Variants in AATK observed in about 807,000 individuals in gnomAD.
AATK encodes lemur tail kinase 1.
AATK carries 91 observed loss-of-function variants against 114.3 expected under a neutral mutation model. That is an observed-to-expected ratio of 0.80 (90% CI 0.67 to 0.95). The LOEUF (loss-of-function observed/expected upper bound fraction) is 0.95, where lower values mean the gene tolerates loss of function less well. Ranked by LOEUF, AATK falls within the 40% of genes least tolerant of loss-of-function variation. AATK has a pLI of 0.00. For synonymous variants in AATK, 1,075 were observed against 916.5 expected (o/e 1.17, Z -3.12); for missense variants, 2,176 against 1,965.2 (o/e 1.11, Z -2.03).
intron 2 of AATK, chr17:81,131,860 G>A: frequency 7.7e-7 from 1 of 1,305,094 alleles, no homozygotes; most frequent in Non-Finnish European, 1.0e-6. Flanking sequence ...GGATGTCTGG[G>A]AGCCCAGAGC....
Position 81,119,469 on chromosome 17 carries a change from G to A in AATK, c.3995C>T (p.Ala1332Val). 2 of 1,510,342 alleles carry A rather than the reference G, an allele frequency of 1.3e-6. No individual in the cohort carries two copies. Among genetic ancestry groups the A allele is most frequent in the Non-Finnish European group, 1.8e-6 (2 of 1,133,436 alleles). 93.6% of individuals were successfully genotyped at this position (1,510,342 alleles called of 1,614,324 possible). The change falls in exon 13 of 14, where the codon GCT becomes GTT. Residue 1332 changes from alanine (A) to valine (V), a missense_variant. Around this residue, in one of 4 missense-constraint regions of AATK, gnomAD observed 1,701 missense variants for 1,394.7 expected, o/e 1.22. Transcript: ENST00000326724. The part of the protein sequence containing the change: ...PAPAAPTPTP[A>V]PFSRFTVSPA... Reference sequence around the variant, plus strand: ...CGACACCGTGAAGCGCGAGAAGGGAGCGGGCGTGGGCGTGGGCGCAGCCGG... The same window carrying A: ...CGACACCGTGAAGCGCGAGAAGGGAACGGGCGTGGGCGTGGGCGCAGCCGG...
intron 5 of AATK, 43 bp from the exon 6 acceptor site, chr17:81,127,713 G>A (rs1163007030): frequency 1.3e-6 from 2 of 1,547,458 alleles, no homozygotes; most frequent in Admixed American, 1.9e-5. Flanking sequence ...GAGGAGGTGG[G>A]GAGGGGGAGT....
intron 6 of AATK, among the ~76,000 whole-genome samples, chr17:81,127,060 G>T (rs1438374224): frequency 3.4e-5 from 5 of 146,956 alleles, no homozygotes; most frequent in African/African-American, 1.2e-4. Context: ...GGGGGTGGGG[G>T]GCAGGTCTCG....
At chr17:81,140,777 C>T (rs1456202431) in intron 1 of AATK, among the ~76,000 whole-genome samples, 1 of 97,644 alleles carries the variant, frequency 1.0e-5, no homozygotes, top group Non-Finnish European at 2.0e-5. Context: ...GGCTGTGGGG[C>T]GGTGAGACCG....
chr17:81,161,038 T>C (rs2061424555), intron 1 of AATK, among the ~76,000 whole-genome samples: 1 of 151,892 alleles, frequency 6.6e-6, no homozygotes, highest in Admixed American at 6.6e-5. Context: ...TGGCCTCATT[T>C]TCTTCCAAGG....
chr17:81,138,598 CCACACG>C (rs763928144), intron 1 of AATK, among the ~76,000 whole-genome samples: 357 of 149,590 alleles, frequency 2.4e-3, no homozygotes, highest in Admixed American at 4.1e-3. Context: ...ACGTGCACAC[CCACACG>C]CACAACACAC....
chr17:81,119,918 A>AGCCCC lies in AATK; in HGVS notation c.3883+13_3883+17dup. ...CTGCCTCCCGTGACGTCACGGGCCC[A>AGCCCC]GCCCCGCCCCTGCTCACCCTCTTCC... On this transcript the variant is annotated intron_variant, in intron 12 of 13. Transcript: ENST00000326724. The AGCCCC allele has an allele frequency of 7.1e-7, 1 of 1,417,896 alleles. No individual in the cohort carries two copies. Among genetic ancestry groups the AGCCCC allele is most frequent in the Non-Finnish European group, 9.2e-7 (1 of 1,088,566 alleles). The allele number at this position is 1,417,896 out of a possible 1,614,324, so 87.8% of individuals were successfully genotyped here.
intron 1 of AATK, among the ~76,000 whole-genome samples, chr17:81,164,218 C>A (rs2061458785): frequency 6.6e-6 from 1 of 152,224 alleles, no homozygotes; most frequent in African/African-American, 2.4e-5. Flanking sequence ...AGAGGGACTG[C>A]AGCACAGGAC....
chr17:81,134,250 A>G (rs2060977938), intron 2 of AATK, 118 bp downstream of exon 2: 3 of 1,393,308 alleles, frequency 2.2e-6, no homozygotes, highest in Non-Finnish European at 1.9e-6. Flanking sequence ...CACAGCAACT[A>G]CGGCCACCCA....
At position 81,166,060 on chromosome 17, in the gene AATK, G is replaced by C. The variant is rs2061487195; in HGVS notation, c.-68C>G. The C allele has an allele frequency of 8.6e-7, 1 of 1,161,834 alleles. No individual in the cohort carries two copies. The allele number at this position is 1,161,834 out of a possible 1,614,324, so 72.0% of individuals were successfully genotyped here. A position where few individuals can be genotyped will look rare whatever the true frequency, so the allele number is the denominator to read the frequency against. The stretch of plus-strand genomic sequence containing the variant: ...CTCAGGACGCCCGCGGCCCCGGCCC[G>C]AGCCGCCGCATCACCCAGCGGCCGC... On this transcript the variant is annotated 5_prime_UTR_variant, in exon 1 of 14. Transcript: ENST00000326724.
intron 1 of AATK, among the ~76,000 whole-genome samples, chr17:81,164,804 G>A (rs1317960454): frequency 6.6e-6 from 1 of 152,168 alleles, no homozygotes; most frequent in African/African-American, 2.4e-5. Context: ...CCACCCCACA[G>A]GGACTTCCGA....
chr17:81,124,189 C>A (rs2060753163), intron 9 of AATK, among the ~76,000 whole-genome samples: 1 of 151,956 alleles, frequency 6.6e-6, no homozygotes, highest in African/African-American at 2.4e-5. Flanking sequence ...GGGGAAGCAG[C>A]AGAGGTGAGG....
At chr17:81,119,196 C>CGGGA (rs1568215668) in intron 13 of AATK, among the ~76,000 whole-genome samples, 184 bp downstream of exon 13, 84 of 139,710 alleles carry the variant, frequency 6.0e-4, no homozygotes, top group African/African-American at 1.7e-3. Context: ...AGGTGAGGGC[C>CGGGA]AGGCGAGGGC....
intron 1 of AATK, among the ~76,000 whole-genome samples, chr17:81,149,338 A>G (rs912611595): frequency 1.3e-5 from 2 of 151,728 alleles, no homozygotes; most frequent in Non-Finnish European, 2.9e-5. Context: ...GAGTTTCCCA[A>G]CCACACACAG....
chr17:81,124,892 C>A (rs1294486080), intron 8 of AATK, 38 bp downstream of exon 8: 7 of 1,570,786 alleles, frequency 4.5e-6, no homozygotes, highest in Middle Eastern at 1.7e-4. Flanking sequence ...GCAGGCCCTG[C>A]CCCTCATGCC....
At chr17:81,157,097 G>A (rs981447172) in intron 1 of AATK, among the ~76,000 whole-genome samples, 5 of 152,174 alleles carry the variant, frequency 3.3e-5, no homozygotes, top group East Asian at 1.9e-4. Flanking sequence ...ACCATCTGCC[G>A]CGTGGGATTC....
At position 81,134,510 on chromosome 17, in the gene AATK, G is replaced by A. The variant is rs372362425; in HGVS notation, c.56-9C>T. On this transcript the variant is annotated splice_polypyrimidine_tract_variant and intron_variant, in intron 1 of 13. Transcript: ENST00000326724. ...GCTGAGCGGGGCGCCGTCTGCGGGAGAGCAGTGTGGTGAGAGTGGCCATGG... is the reference window on the plus strand; with the variant it reads ...GCTGAGCGGGGCGCCGTCTGCGGGAAAGCAGTGTGGTGAGAGTGGCCATGG... 1.9e-5 allele frequency: 31 copies of A among 1,609,176 alleles called. No individual in the cohort carries two copies. In the African/African-American group the frequency reaches 4.0e-4, roughly 21 times the overall value.
Position 81,126,217 on chromosome 17 carries a change from C to T in AATK, c.755+210G>A, listed in dbSNP as rs113730478. 6.2e-3 allele frequency among the ~76,000 whole-genome samples: 946 copies of T among 152,316 alleles called. 8 individuals carry two copies. Among genetic ancestry groups the T allele is most frequent in the South Asian group, 0.043 (207 of 4,832 alleles). ...AGCTTGACAGTACGCATCTCTTCGT[C>T]TAAACCTGCAAAGTGGGTGTCAAAC... On this transcript the variant is annotated intron_variant, in intron 7 of 13. Transcript: ENST00000326724. The surrounding 1 kb of genome is among the most constrained non-coding windows in gnomAD (Gnocchi z 5.1).
In AATK at chr17:81,126,820, G is replaced by A. The variant is rs893609711; in HGVS notation, c.622-260C>T. On this transcript the variant is annotated intron_variant, in intron 6 of 13. Transcript: ENST00000326724. The surrounding 1 kb of genome is among the most constrained non-coding windows in gnomAD (Gnocchi z 5.1). Reference sequence around the variant, plus strand: ...CCGGGCAGCAGGAGTCCCTTGGCCTGTGGTAGAGAGAGAAACACAGGGCCC... The same window carrying A: ...CCGGGCAGCAGGAGTCCCTTGGCCTATGGTAGAGAGAGAAACACAGGGCCC... 34 of 1,326,652 alleles carry A rather than the reference G, an allele frequency of 2.6e-5. No homozygotes were observed. Among genetic ancestry groups the A allele is most frequent in the Non-Finnish European group, 3.2e-5 (33 of 1,037,348 alleles). The allele number at this position is 1,326,652 out of a possible 1,614,324, so 82.2% of individuals were successfully genotyped here. A position where few individuals can be genotyped will look rare whatever the true frequency, so the allele number is the denominator to read the frequency against.
Sources: allele counts gnomAD v4.1 joint callset (sites outside exome capture counted in the v4.1 genomes callset), GRCh38; gene constraint gnomAD v4.1.1; regional missense constraint gnomAD v4.1.1; non-coding constraint Gnocchi (gnomAD v3.1); transcripts MANE v1.5; gene names NCBI Gene and HGNC (gene_info 2026-07-23, HGNC 2026-07-21).